Variants in SLC22A2 observed in about 807,000 individuals in gnomAD.
The protein encoded by SLC22A2 is solute carrier family 22 member 2.
Under a neutral mutation model 60.5 loss-of-function variants are expected in SLC22A2, and 46 were observed. That is an observed-to-expected ratio of 0.76 (90% CI 0.60 to 0.97). The LOEUF is 0.97. Among genes scored for constraint, SLC22A2 ranks in the 50% least tolerant of loss-of-function variants. SLC22A2 has a pLI of 0.00. For missense variants in SLC22A2, 701 were observed against 706.6 expected, an observed-to-expected ratio of 0.99 and a Z score of 0.09; for synonymous variants, 303 against 267.0, an observed-to-expected ratio of 1.13 and a Z score of -1.31.
chr6:160,217,486 A>G lies in SLC22A2; in HGVS notation c.1614T>C (p.Asn538=), dbSNP rs372376932. The part of the protein sequence containing the change: ...EAENMQRPRK[N]KEKMIYLQVQ... ...CTTGGAGGTAAATCATCTTTTCTTT[A>G]TTTTTTCTTGGTCTGCAATAAGAAA... is the stretch of plus-strand genomic sequence containing the variant. Residue 538 remains asparagine (N), a synonymous_variant, in exon 11 of 11, where the codon AAT becomes AAC. Transcript: ENST00000366953. 77 of 1,591,500 alleles carry G rather than the reference A, an allele frequency of 4.8e-5. No homozygotes were observed. The highest frequency in any genetic ancestry group is 6.0e-5 in the Non-Finnish European group (70 of 1,160,316).
intron 5 of SLC22A2, among the ~76,000 whole-genome samples, chr6:160,246,697 A>C (rs1783100727): frequency 6.6e-6 from 1 of 152,154 alleles, no homozygotes; most frequent in South Asian, 2.1e-4. Context: ...CAGTGAGCCG[A>C]GATTGTGCCA....
At chr6:160,247,424 T>A in intron 4 of SLC22A2, 126 bp from the exon 5 acceptor site, 1 of 602,888 alleles carries the variant, frequency 1.7e-6, no homozygotes, top group Admixed American at 2.8e-5. Flanking sequence ...ATAACACTCG[T>A]GTAGGGGGAT....
At chr6:160,243,920 A>C (rs1416508153) in intron 6 of SLC22A2, 134 bp from the exon 7 acceptor site, 4 of 626,588 alleles carry the variant, frequency 6.4e-6, no homozygotes, top group African/African-American at 5.5e-5. Context: ...CCCCCATCCC[A>C]CTGCTTTTAT....
At chr6:160,224,435 A>G (rs528358565) in intron 10 of SLC22A2, among the ~76,000 whole-genome samples, 1 of 152,290 alleles carries the variant, frequency 6.6e-6, no homozygotes, top group South Asian at 2.1e-4. Flanking sequence ...TATTTTTATG[A>G]AAGCAAACAT....
chr6:160,233,330 C>T (rs969496267), intron 9 of SLC22A2, among the ~76,000 whole-genome samples: 3 of 151,934 alleles, frequency 2.0e-5, no homozygotes, highest in East Asian at 1.9e-4. Context: ...AGTCTGATAA[C>T]GGACCAGCCT....
intron 3 of SLC22A2, among the ~76,000 whole-genome samples, chr6:160,249,957 G>C (rs747892955): frequency 6.7e-4 from 102 of 152,318 alleles, no homozygotes; most frequent in Admixed American, 7.2e-4. Flanking sequence ...GCCATAGTGA[G>C]AATATTGCTA....
chr6:160,254,108 T>C (rs1350477338), intron 2 of SLC22A2, among the ~76,000 whole-genome samples: 4 of 152,056 alleles, frequency 2.6e-5, no homozygotes, highest in African/African-American at 9.7e-5. Flanking sequence ...TGAAACCCTG[T>C]CTCTACTAAA....
chr6:160,253,478 T>G (rs1258337610), intron 2 of SLC22A2, among the ~76,000 whole-genome samples: 2 of 152,138 alleles, frequency 1.3e-5, no homozygotes, highest in African/African-American at 2.4e-5. Context: ...TGCTCCTGCC[T>G]GGGACCTGTT....
chr6:160,218,181 A>G (rs555179398), intron 10 of SLC22A2: 1 of 247,518 alleles, frequency 4.0e-6, no homozygotes, highest in Admixed American at 5.2e-5. Context: ...ATCTGAGACG[A>G]GGGATGGCAG....
intron 5 of SLC22A2, among the ~76,000 whole-genome samples, chr6:160,245,849 C>G (rs1468905141): frequency 6.6e-6 from 1 of 151,006 alleles, no homozygotes; most frequent in Non-Finnish European, 1.5e-5. Context: ...AGGCATGCAC[C>G]ACAATGCCCA....
intron 2 of SLC22A2, among the ~76,000 whole-genome samples, chr6:160,254,912 T>A (rs1783243625): frequency 6.6e-6 from 1 of 152,208 alleles, no homozygotes; most frequent in South Asian, 2.1e-4. Context: ...TTAACTAATT[T>A]CTTAACCCAC....
intron 9 of SLC22A2, among the ~76,000 whole-genome samples, chr6:160,236,941 A>G (rs1003087981): frequency 3.4e-4 from 52 of 152,372 alleles, no homozygotes; most frequent in South Asian, 2.1e-4. Context: ...CCTATGTGAA[A>G]AATAATTATT....
intron 4 of SLC22A2, among the ~76,000 whole-genome samples, chr6:160,247,700 G>C (rs1783117690): frequency 6.6e-6 from 1 of 152,224 alleles, no homozygotes; most frequent in Non-Finnish European, 1.5e-5. Context: ...CCAAAGGAAT[G>C]AGATAAGAAT....
At chr6:160,242,493 C>T in intron 7 of SLC22A2, 91 bp from the exon 8 acceptor site, 1 of 788,328 alleles carries the variant, frequency 1.3e-6, no homozygotes, top group Non-Finnish European at 2.3e-6. Context: ...GACAAATTCC[C>T]CATCCCAGAA....
rs541095543 is a variant in SLC22A2, at chr6:160,222,489, C to A, written c.1601+2216G>T. On this transcript the variant is annotated intron_variant, in intron 10 of 10. Coordinates refer to ENST00000366953, the MANE Select transcript of SLC22A2 (RefSeq NM_003058.4). ...TCAATTAGGCATGCTGTAGAAGGAA[C>A]TTCAGCATTTATTCCACAAATAATT... 1.1e-4 allele frequency among the ~76,000 whole-genome samples: 17 copies of A among 152,330 alleles called. No homozygotes were observed. In the South Asian group the frequency reaches 3.5e-3, roughly 32 times the overall value.
intron 9 of SLC22A2, among the ~76,000 whole-genome samples, chr6:160,229,716 A>G (rs982063926): frequency 2.6e-5 from 4 of 151,336 alleles, no homozygotes; most frequent in Non-Finnish European, 4.4e-5. Context: ...ATTATGGACA[A>G]CCTTCCACCT....
intron 9 of SLC22A2, among the ~76,000 whole-genome samples, chr6:160,234,377 A>T (rs1782877163): frequency 6.6e-6 from 1 of 152,170 alleles, no homozygotes; most frequent in African/African-American, 2.4e-5. Flanking sequence ...GCTGGAAAAG[A>T]TCCCTTCGCT....
intron 2 of SLC22A2, among the ~76,000 whole-genome samples, chr6:160,253,365 T>C (rs1783218233): frequency 6.6e-6 from 1 of 152,240 alleles, no homozygotes; most frequent in Admixed American, 6.5e-5. Context: ...TGGTAACTTC[T>C]GGGTTGTAGA....
Position 160,258,641 on chromosome 6 carries a change from G to T in SLC22A2, c.117C>A (p.Gly39=). Residue 39 remains glycine, a synonymous_variant, in exon 1 of 11, where the codon GGC becomes GGA. Transcript: ENST00000366953. ...CAGGGGTGAAGCCCAGGAAGACGAT[G>T]CCCACGTAGATGGGCGCGAAGGTAG... ...LSATFAPIYV[G]IVFLGFTPDH... is the part of the protein sequence containing the mutation. 1 of 1,613,900 alleles carries T rather than the reference G, an allele frequency of 6.2e-7. No homozygotes were observed. The highest frequency in any genetic ancestry group is 8.5e-7 in the Non-Finnish European group (1 of 1,179,944).
Sources: allele counts gnomAD v4.1 joint callset (sites outside exome capture counted in the v4.1 genomes callset), GRCh38; gene constraint gnomAD v4.1.1; transcripts MANE v1.5; gene names NCBI Gene and HGNC (gene_info 2026-07-23, HGNC 2026-07-21).